EBF1: variants seen among roughly 807,000 people sequenced by gnomAD.
EBF1 encodes EBF transcription factor 1, also known as transcription factor COE1.
Under a neutral mutation model 68.4 loss-of-function variants are expected in EBF1, and 10 were observed. The observed-to-expected ratio is 0.15, with a 90% CI of 0.09 to 0.25. The LOEUF (loss-of-function observed/expected upper bound fraction) is 0.25. EBF1 is among the 10% of genes least tolerant of loss of function. The probability of loss-of-function intolerance (pLI) is 1.00; values close to 1 mark genes in which losing one functional copy is unlikely to be tolerated. For missense variants in EBF1, 509 were observed against 794.4 expected, an observed-to-expected ratio of 0.64 and a Z score of 4.32; for synonymous variants, 298 against 299.8, an observed-to-expected ratio of 0.99 and a Z score of 0.06.
At chr5:159,033,868 C>T (rs1192901622) in intron 6 of EBF1, among the ~76,000 whole-genome samples, 3 of 152,168 alleles carry the variant, frequency 2.0e-5, no homozygotes, top group African/African-American at 4.8e-5. Context: ...TTCTACCCAA[C>T]GACCTCCTAC....
chr5:159,073,486 A>T, intron 5 of EBF1, 22 bp from the exon 6 acceptor site: 1 of 1,613,814 alleles, frequency 6.2e-7, no homozygotes, highest in Non-Finnish European at 8.5e-7. Context: ...AAGCGAAAGG[A>T]TTTAGTACAA....
At chr5:158,783,997 TG>T (rs1160548552) in intron 9 of EBF1, among the ~76,000 whole-genome samples, 2 of 152,118 alleles carry the variant, frequency 1.3e-5, no homozygotes, top group African/African-American at 4.8e-5. Flanking sequence ...AAAATATGAG[TG>T]GAAGCATGTT....
chr5:158,813,274 C>T (rs973096259), intron 8 of EBF1, among the ~76,000 whole-genome samples: 1 of 152,160 alleles, frequency 6.6e-6, no homozygotes, highest in Non-Finnish European at 1.5e-5. Context: ...AACACACAAC[C>T]ATTAAAAATG....
intron 6 of EBF1, among the ~76,000 whole-genome samples, chr5:159,005,386 T>A (rs1423277009): frequency 6.6e-6 from 1 of 152,196 alleles, no homozygotes; most frequent in African/African-American, 2.4e-5. Flanking sequence ...TGTGGGCCAA[T>A]GAGAATATAA....
intron 11 of EBF1, among the ~76,000 whole-genome samples, chr5:158,724,136 G>A (rs1762491929): frequency 6.6e-6 from 1 of 152,160 alleles, no homozygotes; most frequent in South Asian, 2.1e-4. Flanking sequence ...GCATTCCATA[G>A]CTTGTGTTTT....
chr5:159,051,635 G>A (rs930966975), intron 6 of EBF1, among the ~76,000 whole-genome samples: 1 of 151,734 alleles, frequency 6.6e-6, no homozygotes, highest in African/African-American at 2.4e-5. Flanking sequence ...ACCAGGGCTG[G>A]ATTTATAGCA....
chr5:158,966,167 G>A (rs1225789322), intron 6 of EBF1, among the ~76,000 whole-genome samples: 5 of 152,054 alleles, frequency 3.3e-5, no homozygotes, highest in African/African-American at 1.2e-4. Context: ...GTGACTCTTG[G>A]GAAAATGTTT....
chr5:158,840,302 G>A (rs1789929629), intron 6 of EBF1, among the ~76,000 whole-genome samples, 192 bp from the exon 7 acceptor site: 1 of 152,170 alleles, frequency 6.6e-6, no homozygotes, highest in Non-Finnish European at 1.5e-5. Flanking sequence ...CCTTCCTTAT[G>A]ACACAAACAC....
intron 10 of EBF1, among the ~76,000 whole-genome samples, chr5:158,764,649 C>CA (rs768410754): frequency 4.6e-5 from 7 of 152,054 alleles, no homozygotes; most frequent in Non-Finnish European, 7.4e-5. Flanking sequence ...ATAGCGCTGT[C>CA]AATAAAAGAA....
intron 6 of EBF1, among the ~76,000 whole-genome samples, chr5:159,055,820 G>A (rs920063726): frequency 1.3e-5 from 2 of 152,200 alleles, no homozygotes; most frequent in African/African-American, 2.4e-5. Flanking sequence ...ATAGGTGAGT[G>A]CCCTGGGAGG....
At chr5:158,993,082 C>T (rs1348667780) in intron 6 of EBF1, among the ~76,000 whole-genome samples, 6 of 151,096 alleles carry the variant, frequency 4.0e-5, no homozygotes, top group Non-Finnish European at 7.4e-5. Context: ...GTGCACGCTG[C>T]TACACCCAGC....
In EBF1 at chr5:158,832,686, G is replaced by A. The variant is rs533908737; in HGVS notation, c.636+7343C>T. Among the ~76,000 whole-genome samples the A allele has an allele frequency of 2.6e-5, 4 of 152,286 alleles. No homozygotes were observed. The East Asian group carries it at 7.7e-4, about 29-fold the overall frequency. On this transcript the variant is annotated intron_variant, in intron 7 of 15. Coordinates refer to ENST00000313708, the MANE Select transcript of EBF1 (RefSeq NM_024007.5). ...AGTGTATTTAAAGCAGACAGAAACTGCAGATGTCAGGCATGTATTTTAAGA... is the reference window on the plus strand; with the variant it reads ...AGTGTATTTAAAGCAGACAGAAACTACAGATGTCAGGCATGTATTTTAAGA...
Position 158,696,637 on chromosome 5 carries a change from T to A in EBF1, c.*2474A>T, listed in dbSNP as rs77052886. On this transcript the variant is annotated 3_prime_UTR_variant, in exon 16 of 16. Coordinates refer to ENST00000313708, the MANE Select transcript of EBF1 (RefSeq NM_024007.5). ...ACCTTGCTTACATTTTCCAGTTTTTTTTATTATTATTAGTCATCATTATTA... is the reference window on the plus strand; with the variant it reads ...ACCTTGCTTACATTTTCCAGTTTTTATTATTATTATTAGTCATCATTATTA... 1.7e-3 allele frequency: 361 copies of A among 214,718 alleles called. 2 individuals are homozygous for A. Among genetic ancestry groups the A allele is most frequent in the African/African-American group, 7.8e-3 (344 of 44,344 alleles). The allele number at this position is 214,718 out of a possible 1,614,324, so 13.3% of individuals were successfully genotyped here. A position where few individuals can be genotyped will look rare whatever the true frequency, so the allele number is the denominator to read the frequency against.
chr5:158,887,318 T>C (rs755153890), intron 6 of EBF1, among the ~76,000 whole-genome samples: 13 of 152,194 alleles, frequency 8.5e-5, no homozygotes, highest in Non-Finnish European at 1.8e-4. Context: ...TCCTTGTCAA[T>C]AACTTAGAAA....
At chr5:158,772,230 C>T (rs578130045) in intron 10 of EBF1, among the ~76,000 whole-genome samples, 3 of 152,232 alleles carry the variant, frequency 2.0e-5, no homozygotes, top group African/African-American at 7.2e-5. Context: ...GCAAACTCTC[C>T]ACTTCTTCCC....
intron 6 of EBF1, among the ~76,000 whole-genome samples, chr5:158,915,802 G>T (rs1275995942): frequency 1.3e-5 from 2 of 152,194 alleles, no homozygotes; most frequent in Non-Finnish European, 2.9e-5. Context: ...TATAAAATAA[G>T]CTTGCTTTAT....
At chr5:159,034,469 G>C (rs1251678990) in intron 6 of EBF1, among the ~76,000 whole-genome samples, 2 of 152,160 alleles carry the variant, frequency 1.3e-5, no homozygotes, top group African/African-American at 4.8e-5. Context: ...AATTGGGCCA[G>C]AGCGCCTCTC....
At chr5:159,026,721 C>T (rs1165313848) in intron 6 of EBF1, among the ~76,000 whole-genome samples, 20 of 152,132 alleles carry the variant, frequency 1.3e-4, no homozygotes, top group Non-Finnish European at 2.9e-5. Context: ...CCCTAGACAT[C>T]GAAATCTACT....
At chr5:158,827,932 CTCT>C (rs1243935549) in intron 7 of EBF1, among the ~76,000 whole-genome samples, 1 of 152,160 alleles carries the variant, frequency 6.6e-6, no homozygotes, top group African/African-American at 2.4e-5. Context: ...AAAAAATAAA[CTCT>C]TCCTCACGTT....
Sources: allele counts gnomAD v4.1 joint callset (sites outside exome capture counted in the v4.1 genomes callset), GRCh38; gene constraint gnomAD v4.1.1; transcripts MANE v1.5; gene names NCBI Gene and HGNC (gene_info 2026-07-23, HGNC 2026-07-21).